Variants in NFIB observed in about 807,000 individuals in gnomAD.
NFIB encodes the protein nuclear factor I B.
A neutral mutation model predicts 61.5 loss-of-function variants in NFIB; 11 were observed. The ratio of observed to expected loss-of-function variants is 0.18; its 90% CI spans 0.11 to 0.30. The LOEUF is 0.30. Among genes scored for constraint, NFIB ranks in the 10% least tolerant of loss-of-function variants. The pLI is 1.00. For synonymous variants in NFIB, 260 were observed against 216.5 expected, an observed-to-expected ratio of 1.20 and a Z score of -1.76; for missense variants, 471 against 608.9, an observed-to-expected ratio of 0.77 and a Z score of 2.38.
At chr9:14,415,262 C>T in the NFIB span, among the ~76,000 whole-genome samples, 1 of 152,232 alleles carries the variant, frequency 6.6e-6, no homozygotes, top group Non-Finnish European at 1.5e-5. Flanking sequence ...GCCACATGGA[C>T]TTTCTCATCA....
rs555943479 is a variant in NFIB, at chr9:14,247,016, C to T, written c.562+59973G>A. ...TTCACTATATCTCTCTCTCTCTCTG[C>T]TTTCTGAGACACAATAAGCAGGTGG... is the stretch of plus-strand genomic sequence containing the variant. On this transcript the variant is annotated intron_variant, in intron 2 of 10. Transcript: ENST00000380953. 4.4e-3 allele frequency among the ~76,000 whole-genome samples: 667 copies of T among 150,650 alleles called. 3 individuals carry two copies. Among genetic ancestry groups the T allele is most frequent in the Non-Finnish European group, 5.7e-3 (388 of 67,876 alleles).
intron 2 of NFIB, among the ~76,000 whole-genome samples, chr9:14,237,841 C>CTGTG (rs1563932702): frequency 0.033 from 854 of 26,006 alleles, 128 homozygotes; most frequent in East Asian, 0.059. Context: ...CTAGGTATAA[C>CTGTG]AGTGTGTGTG....
At chr9:14,412,112 T>C in the NFIB span, among the ~76,000 whole-genome samples, 1 of 152,244 alleles carries the variant, frequency 6.6e-6, no homozygotes, top group Non-Finnish European at 1.5e-5. Context: ...TCCCTGACTC[T>C]TGACCTTTAG....
chr9:14,491,100 C>G, the NFIB span, among the ~76,000 whole-genome samples: 1 of 152,072 alleles, frequency 6.6e-6, no homozygotes, highest in Non-Finnish European at 1.5e-5. Context: ...CCTGGCTTTC[C>G]CACTTACCAA....
At chr9:14,497,121 T>C in the NFIB span, among the ~76,000 whole-genome samples, 613 of 152,340 alleles carry the variant, frequency 4.0e-3, 8 homozygotes, top group African/African-American at 0.014. Context: ...CCAATTTCTA[T>C]AGAAAGATAA....
chr9:14,231,134 AAATATATATATATATATAT>A (rs1241036442), intron 2 of NFIB, among the ~76,000 whole-genome samples: 14 of 73,984 alleles, frequency 1.9e-4, no homozygotes, highest in East Asian at 1.0e-3. Context: ...AAAAAAAAAA[AAATATATATATATATATAT>A]ATATATATAT....
intron 1 of NFIB, among the ~76,000 whole-genome samples, chr9:14,379,131 A>G (rs186017268): frequency 6.6e-6 from 1 of 152,298 alleles, no homozygotes; most frequent in Admixed American, 6.5e-5. Flanking sequence ...ATATCTTACC[A>G]TCTGGTGTAT....
chr9:14,346,067 C>T (rs2061014189), intron 1 of NFIB, among the ~76,000 whole-genome samples: 1 of 152,176 alleles, frequency 6.6e-6, no homozygotes, highest in Admixed American at 6.5e-5. Context: ...ACCCTGATCC[C>T]CGGCGCGCAC....
chr9:14,344,346 T>C (rs531225523), intron 1 of NFIB, among the ~76,000 whole-genome samples: 3 of 150,202 alleles, frequency 2.0e-5, no homozygotes, highest in African/African-American at 7.4e-5. Flanking sequence ...ACTTGGCAGG[T>C]CGACAGGAGC....
intron 2 of NFIB, among the ~76,000 whole-genome samples, chr9:14,281,655 A>T (rs1331636749): frequency 6.6e-6 from 1 of 152,210 alleles, no homozygotes; most frequent in African/African-American, 2.4e-5. Flanking sequence ...CTATTAGTGA[A>T]CATACCAACT....
intron 1 of NFIB, among the ~76,000 whole-genome samples, chr9:14,344,425 G>A (rs1223267157): frequency 6.6e-6 from 1 of 151,976 alleles, no homozygotes; most frequent in African/African-American, 2.4e-5. Flanking sequence ...GGGGGTAGAG[G>A]GAGTTGTTTG....
chr9:14,187,757 C>A (rs1287515427), intron 2 of NFIB, among the ~76,000 whole-genome samples: 1 of 151,968 alleles, frequency 6.6e-6, no homozygotes, highest in African/African-American at 2.4e-5. Flanking sequence ...AAATAGGCCA[C>A]TGAAATTTAA....
chr9:14,385,805 CAG>C (rs2061542941), intron 1 of NFIB, among the ~76,000 whole-genome samples: 1 of 138,380 alleles, frequency 7.2e-6, no homozygotes, highest in Non-Finnish European at 1.5e-5. Flanking sequence ...TTTTTTGAAA[CAG>C]AGTGTTTCTC....
intron 7 of NFIB, among the ~76,000 whole-genome samples, chr9:14,125,085 A>G (rs1011588933): frequency 6.6e-6 from 1 of 152,186 alleles, no homozygotes; most frequent in African/African-American, 2.4e-5. Flanking sequence ...CATTCTTCTG[A>G]TAACAATCTT....
intron 2 of NFIB, among the ~76,000 whole-genome samples, chr9:14,278,283 T>G (rs1199880818): frequency 1.3e-5 from 2 of 152,244 alleles, no homozygotes; most frequent in Non-Finnish European, 2.9e-5. Flanking sequence ...ACAGAAAAGT[T>G]CACAGGAACC....
chr9:14,119,622 T>A (rs2038657172), intron 8 of NFIB, among the ~76,000 whole-genome samples: 1 of 152,196 alleles, frequency 6.6e-6, no homozygotes, highest in African/African-American at 2.4e-5. Context: ...TTAAAAGGTA[T>A]AATAAGTGGA....
chr9:14,505,767 C>T, the NFIB span, among the ~76,000 whole-genome samples: 5 of 152,088 alleles, frequency 3.3e-5, no homozygotes, highest in Non-Finnish European at 7.4e-5. Context: ...TACCAGGGGC[C>T]CCCACCTGGG....
chr9:14,247,133 G>C (rs2055026494), intron 2 of NFIB, among the ~76,000 whole-genome samples: 1 of 152,134 alleles, frequency 6.6e-6, no homozygotes, highest in South Asian at 2.1e-4. Flanking sequence ...TGTGAGAAAA[G>C]AAATTTCTAC....
chr9:14,216,597 T>C lies in NFIB; in HGVS notation c.563-36817A>G, dbSNP rs1028269163. On this transcript the variant is annotated intron_variant, in intron 2 of 10. Coordinates refer to ENST00000380953, the MANE Select transcript of NFIB (RefSeq NM_001190737.2). Reference sequence around the variant, plus strand: ...GTGTGTGTGTGTGTGTGTGTAGCATTGACAAGGGGGTAAGCCCCTACAAAA... The same window carrying C: ...GTGTGTGTGTGTGTGTGTGTAGCATCGACAAGGGGGTAAGCCCCTACAAAA... Among the ~76,000 whole-genome samples, 26 of 144,346 alleles carry C rather than the reference T, an allele frequency of 1.8e-4. No homozygotes were observed. In the East Asian group the frequency reaches 5.6e-3, roughly 31 times the overall value. 94.7% of individuals were successfully genotyped at this position (144,346 alleles called of 152,430 possible).
Sources: allele counts gnomAD v4.1 joint callset (sites outside exome capture counted in the v4.1 genomes callset), GRCh38; gene constraint gnomAD v4.1.1; transcripts MANE v1.5; gene names NCBI Gene and HGNC (gene_info 2026-07-23, HGNC 2026-07-21).